SEPTIN8: variants seen among roughly 807,000 people sequenced by gnomAD.
SEPTIN8 encodes the protein septin 8.
SEPTIN8 carries 22 observed loss-of-function variants against 53.1 expected under a neutral mutation model. The observed-to-expected ratio is 0.41, with a 90% CI of 0.30 to 0.59. The LOEUF (loss-of-function observed/expected upper bound fraction) is 0.59, where lower values mean the gene tolerates loss of function less well. Among genes scored for constraint, SEPTIN8 ranks in the 20% least tolerant of loss-of-function variants. The pLI is 0.24. For synonymous variants in SEPTIN8, 228 were observed against 248.4 expected, an observed-to-expected ratio of 0.92 and a Z score of 0.77; for missense variants, 536 against 638.7, an observed-to-expected ratio of 0.84 and a Z score of 1.73.
chr5:132,764,941 T>C (rs1756430233), intron 2 of SEPTIN8, among the ~76,000 whole-genome samples: 1 of 151,884 alleles, frequency 6.6e-6, no homozygotes, highest in South Asian at 2.1e-4. Context: ...GAAGAGCACT[T>C]TGTGTCCTTC....
rs1175636263 is a variant in SEPTIN8 at position 132,750,897 on chromosome 5, C to G, written c.*1119G>C. 1 of 1,614,272 alleles carries G rather than the reference C, an allele frequency of 6.2e-7. No homozygotes were observed. Reference sequence around the variant, plus strand: ...AAAGACTTCACAAAGCACTATGGCTCTGACTATTCCCCGAATGAGCTGCTG... The same window carrying G: ...AAAGACTTCACAAAGCACTATGGCTGTGACTATTCCCCGAATGAGCTGCTG... On this transcript the variant is annotated 3_prime_UTR_variant, in exon 10 of 10. Coordinates refer to ENST00000378719, the MANE Select transcript of SEPTIN8 (RefSeq NM_001098811.2).
chr5:132,778,411 T>G (rs1757961148), upstream of SEPTIN8, among the ~76,000 whole-genome samples: 1 of 152,222 alleles, frequency 6.6e-6, no homozygotes, highest in Non-Finnish European at 1.5e-5. Context: ...CTCTGCTGTT[T>G]GACCTTGTCA....
chr5:132,763,638 G>A (rs1227060852), intron 4 of SEPTIN8, 68 bp downstream of exon 4: 2 of 1,475,116 alleles, frequency 1.4e-6, no homozygotes, highest in Non-Finnish European at 1.9e-6. Flanking sequence ...TCAGGCATGA[G>A]GCAGCCACCA....
chr5:132,773,456 AT>A lies in SEPTIN8; in HGVS notation c.30+3651del, dbSNP rs1321860860. Among the ~76,000 whole-genome samples, 1 of 152,166 alleles carries A rather than the reference AT, an allele frequency of 6.6e-6. No individual in the cohort carries two copies. Among genetic ancestry groups the A allele is most frequent in the Admixed American group, 6.5e-5 (1 of 15,282 alleles). ...CGTGGTAGTTACTGCCCCAAATATA[AT>A]ATATGCTTCCACCTAGCCCATCCGA... On this transcript the variant is annotated intron_variant, in intron 1 of 9. Transcript: ENST00000378719. This position sits in a 1 kb window ranked among gnomAD's most constrained non-coding sequence, Gnocchi z 4.2.
chr5:132,758,792 C>T, intron 9 of SEPTIN8: 1 of 1,614,026 alleles, frequency 6.2e-7, no homozygotes, highest in East Asian at 2.2e-5. Context: ...GTCTAAAGTC[C>T]ACTCTTGACA....
rs1757474309 is a variant in SEPTIN8, at chr5:132,773,136, A to T, written c.30+3972T>A. Among the ~76,000 whole-genome samples, 1 of 152,204 alleles carries T rather than the reference A, an allele frequency of 6.6e-6. No individual in the cohort carries two copies. Among genetic ancestry groups the T allele is most frequent in the African/African-American group, 2.4e-5 (1 of 41,428 alleles). On this transcript the variant is annotated intron_variant, in intron 1 of 9. Transcript: ENST00000378719. The surrounding 1 kb of genome is among the most constrained non-coding windows in gnomAD (Gnocchi z 4.2). ...CTGAAGGTTCAGATGGCTCCAAAAG[A>T]AGCCAACAGAGTGCCCCAGCTCTAC...
intron 1 of SEPTIN8, among the ~76,000 whole-genome samples, chr5:132,772,759 C>T (rs1174890248): frequency 6.6e-6 from 1 of 152,176 alleles, no homozygotes; most frequent in Non-Finnish European, 1.5e-5. Context: ...TCCATTCACT[C>T]CAACACCAGG....
chr5:132,763,591 C>T, intron 4 of SEPTIN8, 115 bp downstream of exon 4: 3 of 967,174 alleles, frequency 3.1e-6, no homozygotes, highest in Non-Finnish European at 3.1e-6. Flanking sequence ...GGGGGCCACC[C>T]ACAAGCCCCC....
chr5:132,754,071 G>C (rs950523263), intron 9 of SEPTIN8: 1 of 172,452 alleles, frequency 5.8e-6, no homozygotes, highest in African/African-American at 2.6e-5. Flanking sequence ...TACTATAATT[G>C]TCTATATTAT....
chr5:132,777,722 C>T (rs1254760983), upstream of SEPTIN8: 2 of 985,408 alleles, frequency 2.0e-6, no homozygotes, highest in African/African-American at 1.7e-5. The surrounding 1 kb of genome is among the most constrained non-coding windows in gnomAD (Gnocchi z 4.1). Context: ...CGGGAGAGGC[C>T]GCGGCAGCCT....
At chr5:132,777,480 G>T, upstream of SEPTIN8, 1 of 975,292 alleles carries the variant, frequency 1.0e-6, no homozygotes, top group Non-Finnish European at 1.2e-6. This position sits in a 1 kb window ranked among gnomAD's most constrained non-coding sequence, Gnocchi z 4.1. Flanking sequence ...GTGTCGGGGG[G>T]CTCGGGGCTG....
In SEPTIN8 at chr5:132,761,297, T is replaced by G. The variant is rs1374308693; in HGVS notation, c.963-32A>C. 1 of 1,610,956 alleles carries G rather than the reference T, an allele frequency of 6.2e-7. No homozygotes were observed. The highest frequency in any genetic ancestry group is 8.5e-7 in the Non-Finnish European group (1 of 1,179,924). On this transcript the variant is annotated intron_variant, in intron 7 of 9. Coordinates refer to ENST00000378719, the MANE Select transcript of SEPTIN8 (RefSeq NM_001098811.2). The surrounding 1 kb of genome is among the most constrained non-coding windows in gnomAD (Gnocchi z 5.8). ...AGACCCAGAGAAAAGAGGCCAAGGA[T>G]GGGATTATGACGGAATGGGATAGGG... is the stretch of plus-strand genomic sequence containing the variant.
At position 132,776,620 on chromosome 5, in the gene SEPTIN8, C is replaced by T. The variant is rs754315762; in HGVS notation, c.30+488G>A. ...AAGCAGGCCAAGGGTCTTCAGGACT[C>T]AAGTCTGCAACTGTCCTGGGCTCGT... is the stretch of plus-strand genomic sequence containing the variant. On this transcript the variant is annotated intron_variant, in intron 1 of 9. Transcript: ENST00000378719. The surrounding 1 kb of genome is among the most constrained non-coding windows in gnomAD (Gnocchi z 4.4). 8.5e-5 allele frequency among the ~76,000 whole-genome samples: 13 copies of T among 152,162 alleles called. No homozygotes were observed. The highest frequency in any genetic ancestry group is 3.1e-4 in the African/African-American group (13 of 41,438).
In SEPTIN8 at chr5:132,764,431, G is replaced by A. The variant is rs944773590; in HGVS notation, c.152-12C>T. On this transcript the variant is annotated splice_polypyrimidine_tract_variant and intron_variant, in intron 2 of 9. Coordinates refer to ENST00000378719, the MANE Select transcript of SEPTIN8 (RefSeq NM_001098811.2). ...AATGCCGGTCTCCCCTGGGCAGTGA[G>A]GACAGGAGGGGAAGAAGTGGGTGTC... 4 of 1,603,338 alleles carry A rather than the reference G, an allele frequency of 2.5e-6. No homozygotes were observed. In the African/African-American group the frequency reaches 5.4e-5, roughly 21 times the overall value.
Position 132,762,472 on chromosome 5 carries a change from C to A in SEPTIN8, c.696+12G>T. ...TGGCCCCAGGGCCCTGAGGCCCTCACCCAACGCTCACATTCATGACTGCGT... is the reference window on the plus strand; with the variant it reads ...TGGCCCCAGGGCCCTGAGGCCCTCAACCAACGCTCACATTCATGACTGCGT... On this transcript the variant is annotated intron_variant, in intron 5 of 9. Coordinates refer to ENST00000378719, the MANE Select transcript of SEPTIN8 (RefSeq NM_001098811.2). 6.2e-7 allele frequency: 1 copy of A among 1,613,836 alleles called. No homozygotes were observed. The highest frequency in any genetic ancestry group is 8.5e-7 in the Non-Finnish European group (1 of 1,179,730).
chr5:132,753,809 A>T (rs1472259885), intron 9 of SEPTIN8: 1 of 152,460 alleles, frequency 6.6e-6, no homozygotes, highest in Non-Finnish European at 1.5e-5. Context: ...TGCCTCTCTC[A>T]TGCTGTGCTA....
intron 9 of SEPTIN8, chr5:132,752,777 G>A (rs1754966097): frequency 1.8e-6 from 2 of 1,112,622 alleles, no homozygotes; most frequent in African/African-American, 1.5e-5. Flanking sequence ...TCCTGAACTT[G>A]CTTCATGCTA....
chr5:132,758,025 A>G (rs1755503372), intron 9 of SEPTIN8: 6 of 990,164 alleles, frequency 6.1e-6, no homozygotes, highest in African/African-American at 1.7e-5. Flanking sequence ...GTCTACAGGT[A>G]GCACCTCTGG....
At position 132,776,569 on chromosome 5, in the gene SEPTIN8, G is replaced by A. The variant is rs887342011; in HGVS notation, c.30+539C>T. On this transcript the variant is annotated intron_variant, in intron 1 of 9. Transcript: ENST00000378719. The surrounding 1 kb of genome is among the most constrained non-coding windows in gnomAD (Gnocchi z 4.4). ...CCAGGATTCCGGCGTGGGGAGCGGGGCAGAGGGGAGCGGGGGAGGAAGGAA... is the reference window on the plus strand; with the variant it reads ...CCAGGATTCCGGCGTGGGGAGCGGGACAGAGGGGAGCGGGGGAGGAAGGAA... Among the ~76,000 whole-genome samples, 1 of 150,258 alleles carries A rather than the reference G, an allele frequency of 6.7e-6. No homozygotes were observed. The highest frequency in any genetic ancestry group is 2.4e-5 in the African/African-American group (1 of 41,290).
Sources: gnomAD v4.1 joint callset for allele counts (sites outside exome capture counted in the v4.1 genomes callset) on GRCh38, gnomAD v4.1.1 for gene constraint, Gnocchi (gnomAD v3.1) non-coding constraint, MANE v1.5 for transcripts, NCBI Gene and HGNC (gene_info 2026-07-23, HGNC 2026-07-21) for gene names.